Variants in GALNT13 observed in about 807,000 individuals in gnomAD.
GALNT13 encodes polypeptide N-acetylgalactosaminyltransferase 13.
GALNT13 carries 28 observed loss-of-function variants against 64.2 expected under a neutral mutation model. The ratio of observed to expected loss-of-function variants is 0.44; its 90% CI spans 0.32 to 0.60. The LOEUF (loss-of-function observed/expected upper bound fraction) is 0.60. Ranked by LOEUF, GALNT13 falls within the 20% of genes least tolerant of loss-of-function variation. GALNT13 has a pLI of 0.05. For synonymous variants in GALNT13, 214 were observed against 224.6 expected (o/e 0.95, Z 0.42); for missense variants, 577 against 669.8 (o/e 0.86, Z 1.53).
intron 2 of GALNT13, among the ~76,000 whole-genome samples, chr2:153,937,022 A>G (rs918263400): frequency 6.6e-6 from 1 of 152,092 alleles, no homozygotes; most frequent in African/African-American, 2.4e-5. Flanking sequence ...TGGCCATTAA[A>G]TTTAAATTTT....
At chr2:153,643,415 AAATAT>A in the GALNT13 span, among the ~76,000 whole-genome samples, 1 of 151,568 alleles carries the variant, frequency 6.6e-6, no homozygotes, top group African/African-American at 2.4e-5. Flanking sequence ...AATTTCTGAA[AAATAT>A]AATTTAACAA....
the GALNT13 span, among the ~76,000 whole-genome samples, chr2:153,510,326 C>G: frequency 1.3e-5 from 2 of 152,090 alleles, no homozygotes; most frequent in African/African-American, 4.8e-5. Context: ...ACTACAATAA[C>G]TCCACATAAG....
At chr2:153,687,753 A>G in the GALNT13 span, among the ~76,000 whole-genome samples, 1 of 151,934 alleles carries the variant, frequency 6.6e-6, no homozygotes, top group South Asian at 2.1e-4. Context: ...GGAAATGATG[A>G]TTTAGCCTAT....
intron 2 of GALNT13, among the ~76,000 whole-genome samples, chr2:153,916,734 A>G (rs1689375567): frequency 6.6e-6 from 1 of 152,154 alleles, no homozygotes; most frequent in African/African-American, 2.4e-5. Context: ...ATTAGCATAA[A>G]TTCAGTTTAA....
At chr2:154,024,371 A>G (rs200535746) in intron 3 of GALNT13, among the ~76,000 whole-genome samples, 56,971 of 151,994 alleles carry the variant, frequency 0.37, 14,747 homozygotes, top group East Asian at 0.84. Context: ...ATAGTCCCAT[A>G]TTTCTTGGAG....
At chr2:153,767,317 G>A in the GALNT13 span, among the ~76,000 whole-genome samples, 2 of 152,070 alleles carry the variant, frequency 1.3e-5, no homozygotes, top group Non-Finnish European at 1.5e-5. Context: ...ATTCCATGGT[G>A]TATAGATACA....
At chr2:154,120,425 C>T (rs1242806683) in intron 3 of GALNT13, among the ~76,000 whole-genome samples, 2 of 152,178 alleles carry the variant, frequency 1.3e-5, no homozygotes, top group Non-Finnish European at 2.9e-5. Context: ...AGTCTATGCT[C>T]ATTAGAACTG....
chr2:154,122,619 G>A (rs1335050118), intron 3 of GALNT13, among the ~76,000 whole-genome samples: 1 of 151,764 alleles, frequency 6.6e-6, no homozygotes, highest in Non-Finnish European at 1.5e-5. Context: ...GATTATTCAG[G>A]TTATGTATTT....
At chr2:154,311,462 C>A (rs1050353817) in intron 9 of GALNT13, among the ~76,000 whole-genome samples, 4 of 151,870 alleles carry the variant, frequency 2.6e-5, no homozygotes, top group Non-Finnish European at 4.4e-5. Context: ...AGGGAGTATA[C>A]GAATAGGTGT....
At chr2:153,758,042 G>A in the GALNT13 span, among the ~76,000 whole-genome samples, 41 of 152,184 alleles carry the variant, frequency 2.7e-4, no homozygotes, top group Middle Eastern at 6.8e-3. Flanking sequence ...ATGGTCAAAC[G>A]TAAAACATTG....
the GALNT13 span, among the ~76,000 whole-genome samples, chr2:153,323,105 A>G: frequency 6.6e-6 from 1 of 151,908 alleles, no homozygotes; most frequent in Non-Finnish European, 1.5e-5. Context: ...ACTAATTTAT[A>G]CTCCCGCCAA....
chr2:153,195,973 C>G, the GALNT13 span, among the ~76,000 whole-genome samples: 1 of 152,128 alleles, frequency 6.6e-6, no homozygotes, highest in Non-Finnish European at 1.5e-5. Context: ...CAGCTCTTAG[C>G]AGAGAGAGTA....
intron 9 of GALNT13, among the ~76,000 whole-genome samples, chr2:154,368,075 T>C (rs1358301674): frequency 1.3e-5 from 2 of 152,164 alleles, no homozygotes; most frequent in Admixed American, 1.3e-4. Context: ...AATATGAGTA[T>C]ATTTTTAGAA....
chr2:153,430,526 G>GA, the GALNT13 span, among the ~76,000 whole-genome samples: 1 of 78,548 alleles, frequency 1.3e-5, no homozygotes, highest in Non-Finnish European at 3.1e-5. Context: ...TAGGTAGGTA[G>GA]GGAGAGAGAG....
At chr2:153,355,885 A>G in the GALNT13 span, among the ~76,000 whole-genome samples, 2 of 152,216 alleles carry the variant, frequency 1.3e-5, no homozygotes, top group Non-Finnish European at 2.9e-5. Context: ...TTAAAAGTCA[A>G]TTATCACACT....
the GALNT13 span, among the ~76,000 whole-genome samples, chr2:153,497,511 G>T: frequency 5.6e-5 from 4 of 71,524 alleles, no homozygotes; most frequent in East Asian, 3.0e-4. Flanking sequence ...TTTTCTTTAC[G>T]TTTCTCCCGC....
the GALNT13 span, among the ~76,000 whole-genome samples, chr2:153,783,749 T>C: frequency 1.3e-5 from 2 of 152,182 alleles, no homozygotes; most frequent in Admixed American, 1.3e-4. Flanking sequence ...GATGGCTTTA[T>C]AAAGGGCTTT....
At chr2:153,379,278 C>T in the GALNT13 span, among the ~76,000 whole-genome samples, 1 of 152,118 alleles carries the variant, frequency 6.6e-6, no homozygotes, top group African/African-American at 2.4e-5. Flanking sequence ...CCATCTGGCT[C>T]ATAATAACCA....
intron 3 of GALNT13, among the ~76,000 whole-genome samples, chr2:153,987,979 A>C (rs758600427): frequency 4.6e-5 from 7 of 151,804 alleles, no homozygotes; most frequent in Non-Finnish European, 8.8e-5. Flanking sequence ...AGCACCATAG[A>C]ACAGAATGTT....
Sources: gnomAD v4.1 joint callset for allele counts (sites outside exome capture counted in the v4.1 genomes callset) on GRCh38, gnomAD v4.1.1 for gene constraint, MANE v1.5 for transcripts, NCBI Gene and HGNC (gene_info 2026-07-23, HGNC 2026-07-21) for gene names.